COL5A1: variants seen among roughly 807,000 people sequenced by gnomAD.
COL5A1 encodes the protein collagen type V alpha 1 chain, also known as collagen alpha-1(V) chain.
Under a neutral mutation model 263.7 loss-of-function variants are expected in COL5A1, and 16 were observed. The observed-to-expected ratio is 0.06, with a 90% CI of 0.04 to 0.09. The LOEUF (loss-of-function observed/expected upper bound fraction) is 0.09, where lower values mean the gene tolerates loss of function less well. Among genes scored for constraint, COL5A1 ranks in the 10% least tolerant of loss-of-function variants. The pLI, the probability that COL5A1 is intolerant of heterozygous loss-of-function variation, is 1.00. For synonymous variants in COL5A1, 1,012 were observed against 1,004.5 expected (o/e 1.01, Z -0.14); for missense variants, 2,036 against 2,540.5 (o/e 0.80, Z 4.27).
intron 19 of COL5A1, among the ~76,000 whole-genome samples, chr9:134,763,157 G>T (rs960704159): frequency 3.3e-5 from 5 of 152,224 alleles, no homozygotes; most frequent in African/African-American, 1.2e-4. Flanking sequence ...GCATGTGTGA[G>T]GCGGGCGGGA....
rs1836026578 is a variant in COL5A1 at position 134,757,569 on chromosome 9, A to T, written c.1882-674A>T. Among the ~76,000 whole-genome samples the T allele has an allele frequency of 6.6e-6, 1 of 152,174 alleles. No individual in the cohort carries two copies. Among genetic ancestry groups the T allele is most frequent in the South Asian group, 2.1e-4 (1 of 4,830 alleles). ...TCTGAAGTGCATCCCGTCAGTCCCA[A>T]GCTAGTGAGGTGGCCTGGGGTGACA... On this transcript the variant is annotated intron_variant, in intron 17 of 65. Coordinates refer to ENST00000371817, the MANE Select transcript of COL5A1 (RefSeq NM_000093.5). This position sits in a 1 kb window ranked among gnomAD's most constrained non-coding sequence, Gnocchi z 6.2.
intron 2 of COL5A1, among the ~76,000 whole-genome samples, chr9:134,698,064 A>G (rs1279011816): frequency 6.6e-6 from 1 of 152,206 alleles, no homozygotes; most frequent in South Asian, 2.1e-4. Flanking sequence ...AACCTGGGCG[A>G]CAGAACGAGA....
chr9:134,680,392 G>T lies in COL5A1; in HGVS notation c.110-10520G>T, dbSNP rs935608788. On this transcript the variant is annotated intron_variant, in intron 1 of 65. Coordinates refer to ENST00000371817, the MANE Select transcript of COL5A1 (RefSeq NM_000093.5). The surrounding 1 kb of genome is among the most constrained non-coding windows in gnomAD (Gnocchi z 5.9). ...GGTGGGCAGAGTCATTTTTACAAAG[G>T]TTGGTGGCATGGAGGGGTGGGGACA... 3.9e-5 allele frequency among the ~76,000 whole-genome samples: 6 copies of T among 152,186 alleles called. No homozygotes were observed. Among genetic ancestry groups the T allele is most frequent in the Non-Finnish European group, 8.8e-5 (6 of 68,024 alleles).
chr9:134,808,676 G>C (rs1214964463), intron 42 of COL5A1, among the ~76,000 whole-genome samples: 2 of 152,210 alleles, frequency 1.3e-5, no homozygotes, highest in Non-Finnish European at 2.9e-5. Context: ...GTTCACATGT[G>C]TGCATGTATG....
intron 58 of COL5A1, among the ~76,000 whole-genome samples, chr9:134,820,525 C>T (rs560811118): frequency 6.6e-6 from 1 of 152,300 alleles, no homozygotes; most frequent in East Asian, 1.9e-4. Flanking sequence ...TGCCTGGTTC[C>T]CAGCCCTGTG....
chr9:134,680,299 C>T lies in COL5A1; in HGVS notation c.110-10613C>T, dbSNP rs527564802. Among the ~76,000 whole-genome samples the T allele has an allele frequency of 2.3e-4, 35 of 152,278 alleles. No homozygotes were observed. The highest frequency in any genetic ancestry group is 4.1e-4 in the South Asian group (2 of 4,828). On this transcript the variant is annotated intron_variant, in intron 1 of 65. Transcript: ENST00000371817. This position sits in a 1 kb window ranked among gnomAD's most constrained non-coding sequence, Gnocchi z 5.9. ...TCTCACCCTGTGAAACACTGCGGGT[C>T]GGTGCACAGGTGTCTGGATGTGGAC...
At chr9:134,739,609 T>G (rs1835228240) in intron 11 of COL5A1, among the ~76,000 whole-genome samples, 1 of 152,262 alleles carries the variant, frequency 6.6e-6, no homozygotes, top group Non-Finnish European at 1.5e-5. Context: ...GCGCAGTGGC[T>G]AGGGATGCTT....
intron 13 of COL5A1, among the ~76,000 whole-genome samples, chr9:134,751,477 C>T (rs1354542458): frequency 2.6e-5 from 4 of 152,170 alleles, no homozygotes; most frequent in South Asian, 2.1e-4. Flanking sequence ...GAGCTGGGCT[C>T]CTCTGGGAGA....
chr9:134,738,887 C>A, intron 11 of COL5A1, 79 bp downstream of exon 11: 1 of 1,194,928 alleles, frequency 8.4e-7, no homozygotes, highest in Non-Finnish European at 1.2e-6. Context: ...GTGACCCGAG[C>A]TGTCCCTGCC....
intron 1 of COL5A1, among the ~76,000 whole-genome samples, chr9:134,663,918 G>A (rs1832282614): frequency 6.6e-6 from 1 of 152,226 alleles, no homozygotes; most frequent in African/African-American, 2.4e-5. Context: ...CACCAGAGCT[G>A]CCACCACCGG....
At chr9:134,817,955 C>T (rs934494208) in intron 54 of COL5A1, 124 bp downstream of exon 54, 17 of 978,710 alleles carry the variant, frequency 1.7e-5, no homozygotes, top group Non-Finnish European at 2.6e-5. Context: ...GCCCCAGGGG[C>T]ACCTGGCTCA....
At position 134,645,296 on chromosome 9, in the gene COL5A1, G is replaced by A. The variant is rs541708416; in HGVS notation, c.109+3000G>A. On this transcript the variant is annotated intron_variant, in intron 1 of 65. Transcript: ENST00000371817. ...CAGCCGAACACAGCTGGTGCTGCCC[G>A]TCCCGCCCTGCCTTCTCGCTGCCTG... 2.6e-5 allele frequency among the ~76,000 whole-genome samples: 4 copies of A among 152,290 alleles called. No individual in the cohort carries two copies. In the South Asian group the frequency reaches 6.2e-4, roughly 24 times the overall value.
In COL5A1 at chr9:134,647,540, T is replaced by C. The variant is rs1831514849; in HGVS notation, c.109+5244T>C. On this transcript the variant is annotated intron_variant, in intron 1 of 65. Transcript: ENST00000371817. This position sits in a 1 kb window ranked among gnomAD's most constrained non-coding sequence, Gnocchi z 5.0. ...CTGCGTTCACATGGGTGTCCCTGGC[T>C]GACTCCACGTGCAGGGCCTGGTGTG... Among the ~76,000 whole-genome samples the C allele has an allele frequency of 6.6e-6, 1 of 152,184 alleles. No homozygotes were observed. The highest frequency in any genetic ancestry group is 2.1e-4 in the South Asian group (1 of 4,826).
At position 134,811,609 on chromosome 9, in the gene COL5A1, G is replaced by A. The variant is rs576358783; in HGVS notation, c.3690+10G>A. On this transcript the variant is annotated intron_variant, in intron 46 of 65. Transcript: ENST00000371817. ...GCCAGTGGGGCTGCAGGTAACTGTG[G>A]GGTTCTCACCACACCGGGCTCCTCC... 3.7e-5 allele frequency: 57 copies of A among 1,546,742 alleles called. No homozygotes were observed. The South Asian group carries it at 6.3e-4, about 17-fold the overall frequency.
At chr9:134,801,013 A>G (rs1838093865) in intron 37 of COL5A1, among the ~76,000 whole-genome samples, 1 of 152,156 alleles carries the variant, frequency 6.6e-6, no homozygotes, top group African/African-American at 2.4e-5. Flanking sequence ...TCTCGCTGGC[A>G]CCTGTCATGC....
intron 36 of COL5A1, 33 bp downstream of exon 36, chr9:134,796,934 GCCT>G (rs1837931814): frequency 1.3e-6 from 2 of 1,518,614 alleles, no homozygotes; most frequent in Non-Finnish European, 1.8e-6. Context: ...GGCCAGCACT[GCCT>G]GTCCCCTCCA....
At position 134,680,219 on chromosome 9, in the gene COL5A1, C is replaced by A. The variant is rs1435955196; in HGVS notation, c.110-10693C>A. On this transcript the variant is annotated intron_variant, in intron 1 of 65. Coordinates refer to ENST00000371817, the MANE Select transcript of COL5A1 (RefSeq NM_000093.5). The surrounding 1 kb of genome is among the most constrained non-coding windows in gnomAD (Gnocchi z 5.9). ...TGGGTACCTCAGAGCCCACTCAGGG[C>A]AGCCATCCAGGCGAAGGTTAACATA... Among the ~76,000 whole-genome samples, 1 of 152,190 alleles carries A rather than the reference C, an allele frequency of 6.6e-6. No homozygotes were observed. The highest frequency in any genetic ancestry group is 1.5e-5 in the Non-Finnish European group (1 of 68,030).
intron 32 of COL5A1, among the ~76,000 whole-genome samples, chr9:134,791,573 C>T (rs1157197966): frequency 1.3e-5 from 2 of 151,662 alleles, no homozygotes; most frequent in Admixed American, 6.6e-5. Flanking sequence ...TCCCGAATGT[C>T]CACAGGAAGC....
intron 11 of COL5A1, among the ~76,000 whole-genome samples, chr9:134,740,102 A>G (rs148048171): frequency 0.011 from 1,683 of 152,298 alleles, 15 homozygotes; most frequent in Middle Eastern, 0.02. Flanking sequence ...GGCGGGAAAC[A>G]GAGTGGGGTG....
Sources: allele counts gnomAD v4.1 joint callset (sites outside exome capture counted in the v4.1 genomes callset), GRCh38; gene constraint gnomAD v4.1.1; non-coding constraint Gnocchi (gnomAD v3.1); transcripts MANE v1.5; gene names NCBI Gene and HGNC (gene_info 2026-07-23, HGNC 2026-07-21).